Variants in TOP1MT observed in about 807,000 individuals in gnomAD.
TOP1MT encodes the protein DNA topoisomerase I mitochondrial, also known as DNA topoisomerase I, mitochondrial.
In TOP1MT, 80 loss-of-function variants were observed where a neutral mutation model predicts 73.9. The ratio of observed to expected loss-of-function variants is 1.08; its 90% CI spans 0.90 to 1.30. The LOEUF (loss-of-function observed/expected upper bound fraction) is 1.30, where lower values mean the gene tolerates loss of function less well. Ranked by LOEUF, TOP1MT falls within the 50% of genes most tolerant of loss-of-function variation. TOP1MT has a pLI of 0.00. For synonymous variants in TOP1MT, 338 were observed against 326.4 expected (o/e 1.04, Z -0.38); for missense variants, 815 against 808.0 (o/e 1.01, Z -0.10).
At position 143,325,455 on chromosome 8, in the gene TOP1MT, T is replaced by TG; in HGVS notation, c.561dup (p.Asn188GlnfsTer5). 6.2e-7 allele frequency: 1 copy of TG among 1,613,608 alleles called. No homozygotes were observed. The highest frequency in any genetic ancestry group is 8.5e-7 in the Non-Finnish European group (1 of 1,179,558). ...AAGCCAGGCGGCTCAATCTTGAAGT[T>TG]GCCTATTTTTTCTTGGTGACCATCT... is the stretch of plus-strand genomic sequence containing the variant. On this transcript the variant is annotated frameshift_variant, in exon 5 of 14. Transcript: ENST00000329245. LOFTEE classifies it high-confidence loss of function.
In TOP1MT at chr8:143,323,653, A is replaced by G. The variant is rs1416568450; in HGVS notation, c.960+346T>C. Among the ~76,000 whole-genome samples the G allele has an allele frequency of 2.5e-5, 2 of 81,368 alleles. 1 individual carries two copies. Among genetic ancestry groups the G allele is most frequent in the Non-Finnish European group, 5.4e-5 (2 of 37,038 alleles). 53.4% of individuals were successfully genotyped at this position (81,368 alleles called of 152,430 possible). On this transcript the variant is annotated intron_variant, in intron 7 of 13. Coordinates refer to ENST00000329245, the MANE Select transcript of TOP1MT (RefSeq NM_052963.3). The stretch of plus-strand genomic sequence containing the variant: ...CACGCACGCCACACGCACGCCACAC[A>G]CATGCTCACCACACACGCACGCCAC...
At chr8:143,339,294 G>A (rs1053906138), upstream of TOP1MT, among the ~76,000 whole-genome samples, 6 of 152,176 alleles carry the variant, frequency 3.9e-5, no homozygotes, top group Non-Finnish European at 7.4e-5. Flanking sequence ...GGTATGCATC[G>A]TTCTTCTCAA....
rs542454246 is a variant in TOP1MT at position 143,344,123 on chromosome 8, T to C, written c.-39+793A>G. On this transcript the variant is annotated intron_variant, in intron 1 of 5. Transcript: ENST00000518007. The surrounding 1 kb of genome is among the most constrained non-coding windows in gnomAD (Gnocchi z 4.6). ...CTGGAAAGCAGGATTCATAGATGGA[T>C]TTCATGTGGAATCTAGGCCCTCAAG... The C allele has an allele frequency of 8.5e-4, 129 of 152,210 alleles. No homozygotes were observed. Among genetic ancestry groups the C allele is most frequent in the African/African-American group, 3.0e-3 (125 of 41,494 alleles). 9.4% of individuals were successfully genotyped at this position (152,210 alleles called of 1,614,324 possible).
rs372840671 is a variant in TOP1MT at position 143,328,328 on chromosome 8, T to G, written c.360+1022A>C. On this transcript the variant is annotated intron_variant, in intron 3 of 13. Coordinates refer to ENST00000329245, the MANE Select transcript of TOP1MT (RefSeq NM_052963.3). Reference sequence around the variant, plus strand: ...TCTGGCAAAGAACCTGCACCCAGGATGCGTTTTTAAAACTCCGATAAATGA... The same window carrying G: ...TCTGGCAAAGAACCTGCACCCAGGAGGCGTTTTTAAAACTCCGATAAATGA... 51 of 446,398 alleles carry G rather than the reference T, an allele frequency of 1.1e-4. No individual in the cohort carries two copies. In the East Asian group the frequency reaches 2.0e-3, roughly 18 times the overall value. The allele number at this position is 446,398 out of a possible 1,614,324, so 27.7% of individuals were successfully genotyped here.
chr8:143,318,047 G>T lies in TOP1MT; in HGVS notation c.1186C>A (p.Pro396Thr), dbSNP rs148446275. 30 of 1,614,010 alleles carry T rather than the reference G, an allele frequency of 1.9e-5. No individual in the cohort carries two copies. In the African/African-American group the frequency reaches 3.3e-4, roughly 18 times the overall value. Reference protein sequence around the residue: ...NLQLFMENKDPRDDLFDRLTT... With the variant: ...NLQLFMENKDTRDDLFDRLTT... ...AGCCTGTCGAAGAGGTCGTCCCGGG[G>T]GTCCTTGTTCTCCATAAAGAGCTGT... The change falls in exon 9 of 14, where the codon CCC becomes ACC. Residue 396 changes from proline to threonine, a missense_variant. By Grantham distance (38) the Pro-to-Thr change is conservative. Transcript: ENST00000329245.
chr8:143,310,288 TG>T, intron 12 of TOP1MT, 71 bp from the exon 13 acceptor site: 1 of 1,254,786 alleles, frequency 8.0e-7, no homozygotes, highest in South Asian at 1.6e-5. Context: ...TGCACTTCTC[TG>T]GCCCTGCCGC....
intron 8 of TOP1MT, among the ~76,000 whole-genome samples, chr8:143,318,874 C>T (rs1816250424): frequency 6.6e-6 from 1 of 152,316 alleles, no homozygotes; most frequent in East Asian, 1.9e-4. Flanking sequence ...CCCTCATCTT[C>T]CTCTACACGT....
intron 3 of TOP1MT, chr8:143,327,623 G>A (rs1816743177): frequency 3.9e-6 from 1 of 258,906 alleles, no homozygotes; most frequent in Admixed American, 4.5e-5. Flanking sequence ...ACCCACTCCT[G>A]TTCTGCTGCT....
intron 1 of TOP1MT, among the ~76,000 whole-genome samples, chr8:143,352,098 C>A (rs554264167): frequency 2.0e-5 from 3 of 152,068 alleles, no homozygotes; most frequent in Admixed American, 1.3e-4. Flanking sequence ...ATATAAAAGA[C>A]AACAATACTC....
chr8:143,322,557 C>CCACACACACGCACGCCA (rs142697554), intron 7 of TOP1MT, among the ~76,000 whole-genome samples: 1 of 93,802 alleles, frequency 1.1e-5, no homozygotes, highest in African/African-American at 4.4e-5. Context: ...CACACGCACG[C>CCACACACACGCACGCCA]CACACACAGA....
upstream of TOP1MT, among the ~76,000 whole-genome samples, chr8:143,346,425 A>C (rs887144806): frequency 3.3e-5 from 5 of 152,190 alleles, no homozygotes; most frequent in Non-Finnish European, 7.3e-5. Context: ...CCTTGCCAAG[A>C]TCTCACAAAA....
chr8:143,343,268 C>T (rs1040187758), exon 2 of TOP1MT: 25 of 456,120 alleles, frequency 5.5e-5, no homozygotes, highest in Non-Finnish European at 9.7e-5. Context: ...TCTTCACTGG[C>T]GTGGTGATCT....
intron 2 of TOP1MT, among the ~76,000 whole-genome samples, chr8:143,330,269 G>A (rs1816816947): frequency 6.6e-6 from 1 of 152,176 alleles, no homozygotes; most frequent in African/African-American, 2.4e-5. Flanking sequence ...TGTCCACCAT[G>A]GCCCTGCATA....
upstream of TOP1MT, chr8:143,359,977 C>A (rs1357410500): frequency 6.6e-6 from 1 of 151,836 alleles, no homozygotes; most frequent in Non-Finnish European, 1.5e-5. Flanking sequence ...AAGGCCCGAG[C>A]CCGCGCATGC....
In TOP1MT at chr8:143,353,572, C is replaced by T. The variant is rs953988459; in HGVS notation, c.-39+2393G>A. ...TGAGTTACACTGAGTTACCACTTTA[C>T]ATCAACCAGAATGGCCATAATGAAA... On this transcript the variant is annotated intron_variant, in intron 1 of 5. Transcript: ENST00000518760. Among the ~76,000 whole-genome samples the T allele has an allele frequency of 3.3e-5, 5 of 152,184 alleles. No individual in the cohort carries two copies. In the East Asian group the frequency reaches 7.7e-4, roughly 23 times the overall value.
At chr8:143,332,675 G>A (rs1816891187) in intron 1 of TOP1MT, 2 of 802,204 alleles carry the variant, frequency 2.5e-6, no homozygotes, top group Non-Finnish European at 3.6e-6. Context: ...GGAGGGAATG[G>A]GCAAGGTTAG....
rs1482248645 is a variant in TOP1MT at position 143,317,835 on chromosome 8, CG to C, written c.1217del (p.Thr406ArgfsTer4). ...PRDDLFDRLTTTSLNKHLQEL... is the reference protein window; with the variant it reads ...PRDDLFDRLTXTSLNKHLQEL... ...CCTGGAGGTGCTTGTTCAGGCTGGT[CG>C]TCTGGGGAGGAAAATGGTCTCTATA... is the stretch of plus-strand genomic sequence containing the variant. On this transcript the variant is annotated frameshift_variant and splice_region_variant, in exon 10 of 14. Coordinates refer to ENST00000329245, the MANE Select transcript of TOP1MT (RefSeq NM_052963.3). LOFTEE classifies it high-confidence loss of function. 1 of 1,614,042 alleles carries C rather than the reference CG, an allele frequency of 6.2e-7. No individual in the cohort carries two copies. Among genetic ancestry groups the C allele is most frequent in the Non-Finnish European group, 8.5e-7 (1 of 1,179,970 alleles).
upstream of TOP1MT, among the ~76,000 whole-genome samples, chr8:143,357,072 C>T (rs139386626): frequency 9.1e-3 from 1,222 of 134,506 alleles, 14 homozygotes; most frequent in African/African-American, 0.033. Flanking sequence ...CCAGCCTGGG[C>T]GACAGAGTGA....
chr8:143,316,502 CGGCTTCCCCTGGCG>C (rs1816168418), intron 10 of TOP1MT, among the ~76,000 whole-genome samples: 2 of 118,742 alleles, frequency 1.7e-5, no homozygotes, highest in Admixed American at 1.6e-4. Flanking sequence ...CCCCAGCACC[CGGCTTCCCCTGGCG>C]AGTCTGTGGG....
Sources: allele counts gnomAD v4.1 joint callset (sites outside exome capture counted in the v4.1 genomes callset), GRCh38; gene constraint gnomAD v4.1.1; non-coding constraint Gnocchi (gnomAD v3.1); transcripts MANE v1.5; gene names NCBI Gene and HGNC (gene_info 2026-07-23, HGNC 2026-07-21).